The following IL5RA variants were observed in gnomAD, a reference collection of about 807,000 sequenced individuals.
The protein encoded by IL5RA is interleukin-5 receptor subunit alpha.
In IL5RA, 49 loss-of-function variants were observed where a neutral mutation model predicts 50.0. That is an observed-to-expected ratio of 0.98 (90% CI 0.78 to 1.24). The LOEUF is 1.24. IL5RA is among the 50% of genes most tolerant of loss of function. IL5RA has a pLI of 0.00. For missense variants in IL5RA, 600 were observed against 500.4 expected (o/e 1.20, Z -1.90); for synonymous variants, 202 against 174.0 (o/e 1.16, Z -1.26).
chr3:3,094,547 T>C (rs1345234519), intron 8 of IL5RA, among the ~76,000 whole-genome samples: 1 of 152,222 alleles, frequency 6.6e-6, no homozygotes, highest in Non-Finnish European at 1.5e-5. Context: ...TTGGCTATTG[T>C]GAATAATGCT....
At chr3:3,095,044 C>T (rs974795573) in intron 8 of IL5RA, among the ~76,000 whole-genome samples, 1 of 152,068 alleles carries the variant, frequency 6.6e-6, no homozygotes, top group South Asian at 2.1e-4. Context: ...TAGATTTTAA[C>T]CAGCACTAGT....
chr3:3,091,365 T>C (rs994938192), intron 9 of IL5RA, among the ~76,000 whole-genome samples: 1 of 152,220 alleles, frequency 6.6e-6, no homozygotes, highest in Non-Finnish European at 1.5e-5. Flanking sequence ...CTGCTCTGTA[T>C]CTTGACTGTG....
At chr3:3,087,432 AAACTTACTCTGTGTC>A (rs1156446135) in intron 9 of IL5RA, among the ~76,000 whole-genome samples, 1 of 152,120 alleles carries the variant, frequency 6.6e-6, no homozygotes, top group Non-Finnish European at 1.5e-5. Flanking sequence ...TCATCAATCA[AAACTTACTCTGTGTC>A]TCATTTTTTA....
chr3:3,091,209 T>G (rs1703082960), intron 9 of IL5RA, among the ~76,000 whole-genome samples: 1 of 152,140 alleles, frequency 6.6e-6, no homozygotes. Flanking sequence ...TTTGGAATCT[T>G]CTTTTTTTAA....
intron 7 of IL5RA, among the ~76,000 whole-genome samples, chr3:3,095,684 C>A (rs1031197427): frequency 7.9e-5 from 12 of 152,084 alleles, no homozygotes; most frequent in African/African-American, 2.4e-4. Context: ...GATTACTACT[C>A]CAAATAGAGT....
chr3:3,094,218 C>G (rs893413903), intron 8 of IL5RA, among the ~76,000 whole-genome samples: 1 of 152,146 alleles, frequency 6.6e-6, no homozygotes, highest in African/African-American at 2.4e-5. Context: ...ATGTTCAACA[C>G]TCTTTTAATC....
chr3:3,084,489 T>C (rs1000338642), intron 9 of IL5RA, among the ~76,000 whole-genome samples: 1 of 152,198 alleles, frequency 6.6e-6, no homozygotes, highest in Non-Finnish European at 1.5e-5. Context: ...ATGAAGAACT[T>C]GGACAGGAAC....
At chr3:3,087,833 T>TA (rs1702933359) in intron 9 of IL5RA, among the ~76,000 whole-genome samples, 1 of 152,128 alleles carries the variant, frequency 6.6e-6, no homozygotes. Context: ...CCTCAAGGGA[T>TA]AAAAAAGAGC....
chr3:3,079,781 A>T (rs1702602100), intron 9 of IL5RA, among the ~76,000 whole-genome samples: 1 of 152,178 alleles, frequency 6.6e-6, no homozygotes, highest in South Asian at 2.1e-4. Flanking sequence ...CATGCCTGTA[A>T]TCCCAGCACT....
intron 7 of IL5RA, among the ~76,000 whole-genome samples, chr3:3,095,988 A>C (rs954559069): frequency 6.6e-6 from 1 of 152,188 alleles, no homozygotes; most frequent in African/African-American, 2.4e-5. Context: ...ATCAAAAAGA[A>C]TGGATTGGGG....
chr3:3,089,047 T>C (rs965317618), intron 9 of IL5RA, among the ~76,000 whole-genome samples: 1 of 152,100 alleles, frequency 6.6e-6, no homozygotes, highest in Non-Finnish European at 1.5e-5. Flanking sequence ...AAGTCCTGTG[T>C]GTGCTGGGTC....
At chr3:3,099,364 T>G (rs1703525695) in intron 5 of IL5RA, among the ~76,000 whole-genome samples, 1 of 152,084 alleles carries the variant, frequency 6.6e-6, no homozygotes, top group African/African-American at 2.4e-5. Context: ...TGTGGTGGCA[T>G]GCACCTGTAG....
chr3:3,098,134 A>C lies in IL5RA; in HGVS notation c.521+3T>G. 6.2e-7 allele frequency: 1 copy of C among 1,614,058 alleles called. No individual in the cohort carries two copies. On this transcript the variant is annotated splice_donor_region_variant and intron_variant, in intron 6 of 11. Transcript: ENST00000446632. ...CCTAAGTAAAAATAGGTACAGTACT[A>C]ACCTATAGTAGAGAAAATACTGCGT...
At chr3:3,088,879 T>C (rs1702978894) in intron 9 of IL5RA, among the ~76,000 whole-genome samples, 1 of 152,206 alleles carries the variant, frequency 6.6e-6, no homozygotes, top group African/African-American at 2.4e-5. Context: ...AGAAGTCTAT[T>C]GAATTCAAGT....
intron 5 of IL5RA, among the ~76,000 whole-genome samples, chr3:3,098,943 T>C (rs952924842): frequency 4.6e-5 from 7 of 152,196 alleles, no homozygotes; most frequent in African/African-American, 1.7e-4. Context: ...TGTTAATAAC[T>C]AGCTGTGAGA....
chr3:3,101,550 G>T, intron 5 of IL5RA, 142 bp downstream of exon 5: 2 of 713,586 alleles, frequency 2.8e-6, no homozygotes, highest in Non-Finnish European at 4.5e-6. Context: ...AGCAGCCTTG[G>T]TTAGGATGTT....
intron 5 of IL5RA, among the ~76,000 whole-genome samples, chr3:3,101,178 CAAAAA>C (rs10606924): frequency 2.5e-4 from 35 of 142,128 alleles, no homozygotes; most frequent in Non-Finnish European, 2.9e-4. Context: ...GATTCTATCT[CAAAAA>C]AAAAAAAAAA....
Position 3,092,514 on chromosome 3 carries a change from G to A in IL5RA, c.856-152C>T. Reference sequence around the variant, plus strand: ...GGCACACATTAATTCGTTTATGCTAGGTGCGTTAGTGTGGATGTGTTGGCA... The same window carrying A: ...GGCACACATTAATTCGTTTATGCTAAGTGCGTTAGTGTGGATGTGTTGGCA... On this transcript the variant is annotated intron_variant, in intron 8 of 11. Transcript: ENST00000446632. This position sits in a 1 kb window ranked among gnomAD's most constrained non-coding sequence, Gnocchi z 4.2. The A allele has an allele frequency of 1.4e-6, 1 of 717,756 alleles. No homozygotes were observed. 44.5% of individuals were successfully genotyped at this position (717,756 alleles called of 1,614,324 possible). A position where few individuals can be genotyped will look rare whatever the true frequency, so the allele number is the denominator to read the frequency against.
chr3:3,101,481 G>A (rs914090209), intron 5 of IL5RA, among the ~76,000 whole-genome samples: 2 of 152,192 alleles, frequency 1.3e-5, no homozygotes, highest in Non-Finnish European at 2.9e-5. Flanking sequence ...TGCAGAGACA[G>A]TGGATATTTC....
Sources: gnomAD v4.1 joint callset for allele counts (sites outside exome capture counted in the v4.1 genomes callset) on GRCh38, gnomAD v4.1.1 for gene constraint, Gnocchi (gnomAD v3.1) non-coding constraint, MANE v1.5 for transcripts, NCBI Gene and HGNC (gene_info 2026-07-23, HGNC 2026-07-21) for gene names.